Variants in SERPINB3 observed in about 807,000 individuals in gnomAD.
The protein encoded by SERPINB3 is serpin family B member 3.
A neutral mutation model predicts 33.0 loss-of-function variants in SERPINB3; 33 were observed. The observed-to-expected ratio is 1.00, with a 90% CI of 0.76 to 1.34. The LOEUF (loss-of-function observed/expected upper bound fraction) is 1.34. Among genes scored for constraint, SERPINB3 ranks in the 40% most tolerant of loss-of-function variants. The pLI is 0.00. For synonymous variants in SERPINB3, 200 were observed against 170.9 expected, an observed-to-expected ratio of 1.17 and a Z score of -1.33; for missense variants, 518 against 461.5, an observed-to-expected ratio of 1.12 and a Z score of -1.12.
In SERPINB3 at chr18:63,661,225, C is replaced by T. The variant is rs1170758068; in HGVS notation, c.-9G>A. 19 of 1,612,466 alleles carry T rather than the reference C, an allele frequency of 1.2e-5. No homozygotes were observed. Among genetic ancestry groups the T allele is most frequent in the Non-Finnish European group, 1.4e-5 (17 of 1,179,154 alleles). On this transcript the variant is annotated 5_prime_UTR_variant, in exon 2 of 8. Coordinates refer to ENST00000283752, the MANE Select transcript of SERPINB3 (RefSeq NM_006919.3). ...TCACTGAGTGAATTCATGGTGAACT[C>T]GATGTGATCTGGAACTCCTGGAAAA...
chr18:63,657,431 AAG>A lies in SERPINB3; in HGVS notation c.470-21_470-20del. 6.3e-7 allele frequency: 1 copy of A among 1,581,902 alleles called. No homozygotes were observed. ...ATTTTTTCTGCAAGGGAAAGAATAA[AAG>A]AGTCTTTTACACAAGCTACAAATGG... On this transcript the variant is annotated intron_variant, in intron 5 of 7. Transcript: ENST00000283752.
chr18:63,655,761 T>G lies in SERPINB3; in HGVS notation c.1069A>C (p.Thr357Pro), dbSNP rs1065205. The change falls in exon 8 of 8, where the codon ACT becomes CCT. Residue 357 changes from threonine (T) to proline (P), a missense_variant. By Grantham distance (38) the Thr-to-Pro change is conservative (BLOSUM62 -1). Coordinates refer to ENST00000283752, the MANE Select transcript of SERPINB3 (RefSeq NM_006919.3). ...CAATGGAACTCTTCATTAGTTGAAG[T>G]AGGTGATGATCCGAATCCTACTACA... ...TAVVGFGSSP[T>P]STNEEFHCNH... 1.9e-6 allele frequency: 3 copies of G among 1,612,796 alleles called. No individual in the cohort carries two copies. Among genetic ancestry groups the G allele is most frequent in the African/African-American group, 2.7e-5 (2 of 73,910 alleles).
chr18:63,658,219 C>A (rs904091277), intron 5 of SERPINB3, among the ~76,000 whole-genome samples: 27 of 152,274 alleles, frequency 1.8e-4, no homozygotes, highest in African/African-American at 6.3e-4. Flanking sequence ...AGGACATGAT[C>A]TCAAATTGGA....
chr18:63,661,421 G>T (rs188823598), intron 1 of SERPINB3, among the ~76,000 whole-genome samples, 179 bp from the exon 2 acceptor site: 10 of 152,210 alleles, frequency 6.6e-5, no homozygotes, highest in African/African-American at 1.4e-4. Context: ...ATATATTAAT[G>T]TCTTAATTAG....
At chr18:63,659,657 A>AC in intron 3 of SERPINB3, 130 bp from the exon 4 acceptor site, 1 of 1,257,712 alleles carries the variant, frequency 8.0e-7, no homozygotes, top group Non-Finnish European at 1.1e-6. Flanking sequence ...ATTCCCTGAT[A>AC]CTTGGTGTAT....
intron 5 of SERPINB3, among the ~76,000 whole-genome samples, chr18:63,657,871 A>G (rs369692131): frequency 6.6e-6 from 1 of 150,718 alleles, no homozygotes; most frequent in East Asian, 2.0e-4. Context: ...TATGAAACGC[A>G]TGTCCTGTGC....
At position 63,655,734 on chromosome 18, in the gene SERPINB3, T is replaced by A. The variant is rs1457097874; in HGVS notation, c.1096A>T (p.Asn366Tyr). 1.2e-6 allele frequency: 2 copies of A among 1,613,942 alleles called. No homozygotes were observed. Among genetic ancestry groups the A allele is most frequent in the Non-Finnish European group, 1.7e-6 (2 of 1,179,926 alleles). The change falls in exon 8 of 8, where the codon AAT becomes TAT. Residue 366 changes from asparagine (N) to tyrosine (Y), a missense_variant. Coordinates refer to ENST00000283752, the MANE Select transcript of SERPINB3 (RefSeq NM_006919.3). ...PTSTNEEFHC[N>Y]HPFLFFIRQN... is the part of the protein sequence containing the mutation. ...CTTATGAAGAATAGGAAAGGGTGATTACAATGGAACTCTTCATTAGTTGAA... is the reference window on the plus strand; with the variant it reads ...CTTATGAAGAATAGGAAAGGGTGATAACAATGGAACTCTTCATTAGTTGAA...
At chr18:63,659,817 A>G (rs1913595290) in intron 3 of SERPINB3, among the ~76,000 whole-genome samples, 2 of 152,208 alleles carry the variant, frequency 1.3e-5, no homozygotes, top group African/African-American at 4.8e-5. Flanking sequence ...TTAAAGGGTT[A>G]GGTTTAGCTT....
Position 63,660,762 on chromosome 18 carries a change from G to A in SERPINB3, c.222+38C>T, listed in dbSNP as rs138542778. 2.0e-3 allele frequency: 3,270 copies of A among 1,612,262 alleles called. 34 individuals are homozygous for A. The African/African-American group carries it at 0.025, about 13-fold the overall frequency. ...TCCAGGTTCAAACTATGACCTGTTC[G>A]GGGATCTAAAGCTGAACCATAGTGC... is the stretch of plus-strand genomic sequence containing the variant. On this transcript the variant is annotated intron_variant, in intron 3 of 7. Coordinates refer to ENST00000283752, the MANE Select transcript of SERPINB3 (RefSeq NM_006919.3).
Position 63,655,716 on chromosome 18 carries a change from A to G in SERPINB3, c.1114T>C (p.Phe372Leu). 6.2e-7 allele frequency: 1 copy of G among 1,613,950 alleles called. No homozygotes were observed. Among genetic ancestry groups the G allele is most frequent in the African/African-American group, 1.3e-5 (1 of 75,042 alleles). The change falls in exon 8 of 8, where the codon TTC becomes CTC. Residue 372 changes from phenylalanine to leucine, a missense_variant. By Grantham distance (22) the Phe-to-Leu change is conservative. Transcript: ENST00000283752. ...EFHCNHPFLF[F>L]IRQNKTNSIL... ...CTGTTGGTCTTATTTTGCCTTATGAAGAATAGGAAAGGGTGATTACAATGG... is the reference window on the plus strand; with the variant it reads ...CTGTTGGTCTTATTTTGCCTTATGAGGAATAGGAAAGGGTGATTACAATGG...
chr18:63,657,174 T>C (rs1204901669), intron 6 of SERPINB3, 96 bp downstream of exon 6: 1 of 901,026 alleles, frequency 1.1e-6, no homozygotes, highest in African/African-American at 1.7e-5. Context: ...AAAACAGACA[T>C]GAACAATTTT....
In SERPINB3 at chr18:63,655,744, C is replaced by T. The variant is rs1568169720; in HGVS notation, c.1086G>A (p.Glu362=). The change falls in exon 8 of 8, where the codon GAG becomes GAA. Residue 362 remains glutamate (E), a synonymous_variant. Transcript: ENST00000283752. The part of the protein sequence containing the change: ...FGSSPTSTNE[E]FHCNHPFLFF... ...ATAGGAAAGGGTGATTACAATGGAA[C>T]TCTTCATTAGTTGAAGTAGGTGATG... is the stretch of plus-strand genomic sequence containing the variant. 1.2e-6 allele frequency: 2 copies of T among 1,613,896 alleles called. No individual in the cohort carries two copies. Among genetic ancestry groups the T allele is most frequent in the Non-Finnish European group, 1.7e-6 (2 of 1,179,942 alleles).
At chr18:63,660,703 C>G in intron 3 of SERPINB3, 97 bp downstream of exon 3, 1 of 1,504,670 alleles carries the variant, frequency 6.6e-7, no homozygotes, top group Non-Finnish European at 9.2e-7. Context: ...CAAGATTTTC[C>G]CTAAAAATGG....
At chr18:63,661,440 C>A (rs998746632) in intron 1 of SERPINB3, among the ~76,000 whole-genome samples, 198 bp from the exon 2 acceptor site, 2 of 152,090 alleles carry the variant, frequency 1.3e-5, no homozygotes, top group Admixed American at 6.6e-5. Flanking sequence ...AGAAGCCTCA[C>A]AAAATTAGTG....
chr18:63,660,625 A>G (rs1476807616), intron 3 of SERPINB3, 175 bp downstream of exon 3: 78 of 746,668 alleles, frequency 1.0e-4, no homozygotes, highest in Middle Eastern at 9.8e-4. Flanking sequence ...TCAGTAACGA[A>G]GAAAGGAGGA....
At chr18:63,661,390 T>C in intron 1 of SERPINB3, 148 bp from the exon 2 acceptor site, 1 of 863,742 alleles carries the variant, frequency 1.2e-6, no homozygotes, top group Non-Finnish European at 1.8e-6. Flanking sequence ...TTTCAATCTT[T>C]CTACAATGTG....
chr18:63,659,016 C>A (rs1913571336), intron 4 of SERPINB3, among the ~76,000 whole-genome samples: 1 of 152,094 alleles, frequency 6.6e-6, no homozygotes, highest in African/African-American at 2.4e-5. Context: ...GGTACTTCCT[C>A]AACTATTCTC....
chr18:63,661,588 G>A (rs868476540), intron 1 of SERPINB3, among the ~76,000 whole-genome samples: 46 of 151,838 alleles, frequency 3.0e-4, no homozygotes, highest in Non-Finnish European at 5.6e-4. Context: ...GTTAAGATGC[G>A]TCCCTGACAT....
chr18:63,657,173 A>C, intron 6 of SERPINB3, 97 bp downstream of exon 6: 1 of 901,694 alleles, frequency 1.1e-6, no homozygotes, highest in African/African-American at 1.7e-5. Flanking sequence ...AAAAACAGAC[A>C]TGAACAATTT....
Sources: gnomAD v4.1 joint callset for allele counts (sites outside exome capture counted in the v4.1 genomes callset) on GRCh38, gnomAD v4.1.1 for gene constraint, MANE v1.5 for transcripts, NCBI Gene and HGNC (gene_info 2026-07-23, HGNC 2026-07-21) for gene names.